Variants in DLG2 observed in about 807,000 individuals in gnomAD.
The protein encoded by DLG2 is disks large homolog 2.
DLG2 carries 45 observed loss-of-function variants against 132.5 expected under a neutral mutation model. The observed-to-expected ratio is 0.34, with a 90% CI of 0.27 to 0.44. The LOEUF is 0.44. Among genes scored for constraint, DLG2 ranks in the 20% least tolerant of loss-of-function variants. The probability of loss-of-function intolerance (pLI) is 1.00; values close to 1 mark genes in which losing one functional copy is unlikely to be tolerated. For synonymous variants in DLG2, 424 were observed against 419.6 expected (o/e 1.01, Z -0.13); for missense variants, 1,045 against 1,196.9 (o/e 0.87, Z 1.87).
At chr11:84,872,993 AT>A (rs2085721368) in intron 6 of DLG2, among the ~76,000 whole-genome samples, 1 of 152,222 alleles carries the variant, frequency 6.6e-6, no homozygotes, top group East Asian at 1.9e-4. Context: ...GAAATATGGA[AT>A]TGTTACATCT....
chr11:83,692,706 G>A (rs1187987703), intron 18 of DLG2, among the ~76,000 whole-genome samples: 1 of 152,190 alleles, frequency 6.6e-6, no homozygotes, highest in Admixed American at 6.5e-5. Flanking sequence ...CTTTATAAAT[G>A]TTAATTTTTG....
At chr11:84,807,586 A>G (rs1464306526) in intron 6 of DLG2, among the ~76,000 whole-genome samples, 1 of 152,246 alleles carries the variant, frequency 6.6e-6, no homozygotes, top group African/African-American at 2.4e-5. Context: ...TAAAAAAAAT[A>G]AGCCAACTCT....
intron 7 of DLG2, among the ~76,000 whole-genome samples, chr11:84,340,566 T>G (rs187305055): frequency 1.3e-5 from 2 of 152,266 alleles, no homozygotes; most frequent in East Asian, 3.9e-4. Flanking sequence ...CTGATCCATT[T>G]TACAGATCAG....
intron 18 of DLG2, among the ~76,000 whole-genome samples, chr11:83,769,325 T>G (rs2094281885): frequency 6.6e-6 from 1 of 152,204 alleles, no homozygotes; most frequent in African/African-American, 2.4e-5. Context: ...TTTTTATTGA[T>G]CAATTGACTG....
chr11:85,404,235 T>C (rs142173656), intron 3 of DLG2, among the ~76,000 whole-genome samples: 23 of 152,008 alleles, frequency 1.5e-4, no homozygotes, highest in African/African-American at 4.8e-4. Flanking sequence ...TTGGCATATA[T>C]AGACATGAAA....
At chr11:83,866,370 C>T (rs1268729915) in intron 16 of DLG2, among the ~76,000 whole-genome samples, 1 of 152,110 alleles carries the variant, frequency 6.6e-6, no homozygotes, top group Non-Finnish European at 1.5e-5. Context: ...GCAACTAAAT[C>T]TTGTCATGGA....
At position 85,538,339 on chromosome 11, in the gene DLG2, A is replaced by T. The variant is rs142612603; in HGVS notation, c.40+60318T>A. On this transcript the variant is annotated intron_variant, in intron 3 of 27. Coordinates refer to ENST00000376104, the MANE Select transcript of DLG2 (RefSeq NM_001142699.3). ...GGCAATTATTAAAAAGTCAAGAAAC[A>T]ACAGATGCTGGCAAGGCTGTGGAGA... is the stretch of plus-strand genomic sequence containing the variant. 1.1e-3 allele frequency among the ~76,000 whole-genome samples: 165 copies of T among 151,932 alleles called. 2 individuals carry two copies. Among genetic ancestry groups the T allele is most frequent in the African/African-American group, 3.8e-3 (158 of 41,254 alleles).
chr11:84,108,571 G>A (rs1595439988), intron 9 of DLG2, among the ~76,000 whole-genome samples: 1 of 152,160 alleles, frequency 6.6e-6, no homozygotes, highest in East Asian at 1.9e-4. Context: ...AGCTTGACTT[G>A]TTCAAGAAAC....
intron 3 of DLG2, among the ~76,000 whole-genome samples, chr11:85,531,664 T>G (rs922300949): frequency 1.9e-4 from 29 of 152,108 alleles, no homozygotes; most frequent in African/African-American, 7.0e-4. Context: ...GGAAGAGAAG[T>G]GGGCGTAGAC....
chr11:83,997,359 C>A (rs1397038058), intron 11 of DLG2, among the ~76,000 whole-genome samples: 1 of 152,106 alleles, frequency 6.6e-6, no homozygotes, highest in East Asian at 1.9e-4. Context: ...ATGCACAGCA[C>A]CTCATGCCTT....
At position 83,486,149 on chromosome 11, in the gene DLG2, T is replaced by A. The variant is rs185121759; in HGVS notation, c.2194-1921A>T. 1.7e-3 allele frequency: 1,041 copies of A among 615,524 alleles called. 13 individuals carry two copies. The highest frequency in any genetic ancestry group is 4.7e-4 in the Non-Finnish European group (162 of 347,680). The allele number at this position is 615,524 out of a possible 1,614,324, so 38.1% of individuals were successfully genotyped here. ...ACAAGGTTGAGAACTGCCCCCAAAT[T>A]TTCCTAGTTAAAAATGATAGTCCTT... is the stretch of plus-strand genomic sequence containing the variant. On this transcript the variant is annotated intron_variant, in intron 21 of 27. Coordinates refer to ENST00000376104, the MANE Select transcript of DLG2 (RefSeq NM_001142699.3).
At chr11:83,551,014 G>A (rs550939575) in intron 19 of DLG2, among the ~76,000 whole-genome samples, 7 of 152,296 alleles carry the variant, frequency 4.6e-5, no homozygotes, top group African/African-American at 1.4e-4. Flanking sequence ...CATGACTCGT[G>A]AAGATCATGA....
chr11:85,481,264 G>T (rs577061149), intron 3 of DLG2, among the ~76,000 whole-genome samples: 1 of 152,308 alleles, frequency 6.6e-6, no homozygotes, highest in African/African-American at 2.4e-5. Flanking sequence ...TAGAAATTAA[G>T]ATAAAAGTGT....
chr11:83,690,525 A>C (rs755232385), intron 18 of DLG2, among the ~76,000 whole-genome samples: 5 of 152,146 alleles, frequency 3.3e-5, no homozygotes, highest in Admixed American at 6.6e-5. Context: ...ATTATTTCTA[A>C]AAGAGCTAAT....
chr11:85,166,391 A>T (rs920978132), intron 4 of DLG2, among the ~76,000 whole-genome samples: 4 of 152,094 alleles, frequency 2.6e-5, no homozygotes, highest in African/African-American at 9.7e-5. Context: ...CTGGTACCTC[A>T]AATCTGTTCT....
chr11:85,377,524 C>A (rs1178905930), intron 3 of DLG2, among the ~76,000 whole-genome samples: 1 of 152,010 alleles, frequency 6.6e-6, no homozygotes, highest in East Asian at 1.9e-4. Context: ...ATAAAATAAC[C>A]CATGAATCAA....
At chr11:84,828,094 A>G (rs2078569025) in intron 6 of DLG2, among the ~76,000 whole-genome samples, 1 of 151,276 alleles carries the variant, frequency 6.6e-6, no homozygotes, top group African/African-American at 2.4e-5. Flanking sequence ...TGTAAAATTG[A>G]ATGTCCAATA....
intron 7 of DLG2, among the ~76,000 whole-genome samples, chr11:84,264,014 C>A (rs192527942): frequency 6.7e-4 from 102 of 152,172 alleles, no homozygotes; most frequent in Non-Finnish European, 1.0e-3. Context: ...ATCTGTAAGT[C>A]TAAGAATCTC....
chr11:85,362,303 C>A (rs997627784), intron 3 of DLG2, among the ~76,000 whole-genome samples: 12 of 152,058 alleles, frequency 7.9e-5, no homozygotes, highest in African/African-American at 2.9e-4. Context: ...AGATCTTTTG[C>A]CTCCCTGATT....
Sources: gnomAD v4.1 joint callset for allele counts (sites outside exome capture counted in the v4.1 genomes callset) on GRCh38, gnomAD v4.1.1 for gene constraint, MANE v1.5 for transcripts, NCBI Gene and HGNC (gene_info 2026-07-23, HGNC 2026-07-21) for gene names.